MYO3A: variants seen among roughly 807,000 people sequenced by gnomAD.
The protein encoded by MYO3A is myosin-IIIa.
Under a neutral mutation model 192.7 loss-of-function variants are expected in MYO3A, and 180 were observed. That is an observed-to-expected ratio of 0.93 (90% CI 0.83 to 1.06). The LOEUF (loss-of-function observed/expected upper bound fraction) is 1.06. Among genes scored for constraint, MYO3A ranks in the 50% least tolerant of loss-of-function variants. The pLI is 0.00. For synonymous variants in MYO3A, 628 were observed against 645.3 expected, an observed-to-expected ratio of 0.97 and a Z score of 0.41; for missense variants, 1,896 against 1,905.0, an observed-to-expected ratio of 1.00 and a Z score of 0.09.
chr10:26,075,251 AT>A (rs1325897006), intron 14 of MYO3A, among the ~76,000 whole-genome samples: 1 of 150,772 alleles, frequency 6.6e-6, no homozygotes, highest in Non-Finnish European at 1.5e-5. Flanking sequence ...AAATTTTTGG[AT>A]TTTTTCTTTT....
chr10:26,067,772 A>G (rs1834943645), intron 11 of MYO3A, among the ~76,000 whole-genome samples: 1 of 152,204 alleles, frequency 6.6e-6, no homozygotes, highest in South Asian at 2.1e-4. Flanking sequence ...TCAGATCATT[A>G]GAGAAATAAA....
chr10:26,147,369 T>TGAG lies in MYO3A; in HGVS notation c.2506-49_2506-47dup, dbSNP rs35241240. ...TATCTGTTGTTGATGATGATGATGGTGAGGAGGAGGAGGATGACAATGACA... is the reference window on the plus strand; with the variant it reads ...TATCTGTTGTTGATGATGATGATGGTGAGGAGGAGGAGGAGGATGACAATGACA... On this transcript the variant is annotated intron_variant, in intron 22 of 34. Coordinates refer to ENST00000642920, the MANE Select transcript of MYO3A (RefSeq NM_017433.5). The TGAG allele has an allele frequency of 3.4e-6, 5 of 1,483,510 alleles. No homozygotes were observed. In the South Asian group the frequency reaches 5.7e-5, roughly 17 times the overall value. The allele number at this position is 1,483,510 out of a possible 1,614,324, so 91.9% of individuals were successfully genotyped here. A position where few individuals can be genotyped will look rare whatever the true frequency, so the allele number is the denominator to read the frequency against.
At chr10:26,180,496 A>C (rs1202513044) in intron 31 of MYO3A, among the ~76,000 whole-genome samples, 1 of 152,170 alleles carries the variant, frequency 6.6e-6, no homozygotes, top group African/African-American at 2.4e-5. Context: ...TTATTGGGAA[A>C]TTTCCAGTTA....
At chr10:26,108,143 G>T (rs10828951) in intron 17 of MYO3A, among the ~76,000 whole-genome samples, 1 of 152,044 alleles carries the variant, frequency 6.6e-6, no homozygotes. Flanking sequence ...GACTTTGCTC[G>T]TAACAGTTTA....
At chr10:26,029,240 G>A (rs998572544) in intron 10 of MYO3A, among the ~76,000 whole-genome samples, 8 of 152,138 alleles carry the variant, frequency 5.3e-5, no homozygotes, top group African/African-American at 1.9e-4. Context: ...GACACAAGAT[G>A]TAGTCTTGTT....
chr10:26,051,178 C>G (rs902797637), intron 10 of MYO3A, among the ~76,000 whole-genome samples: 42 of 152,106 alleles, frequency 2.8e-4, no homozygotes, highest in Non-Finnish European at 2.9e-5. Context: ...GTGGAGCATT[C>G]ATGAAAAACT....
chr10:26,202,494 G>A (rs1843721308), intron 33 of MYO3A, among the ~76,000 whole-genome samples: 1 of 152,244 alleles, frequency 6.6e-6, no homozygotes, highest in Non-Finnish European at 1.5e-5. Context: ...GAACAGAGTA[G>A]AGGGAGGACA....
intron 23 of MYO3A, among the ~76,000 whole-genome samples, chr10:26,148,913 G>A (rs1840627890): frequency 6.6e-6 from 1 of 152,048 alleles, no homozygotes; most frequent in African/African-American, 2.4e-5. Flanking sequence ...GATTGATCAT[G>A]TTGTCTGTGA....
At chr10:26,012,511 T>C (rs1169504312) in intron 6 of MYO3A, among the ~76,000 whole-genome samples, 1 of 151,942 alleles carries the variant, frequency 6.6e-6, no homozygotes, top group Non-Finnish European at 1.5e-5. Context: ...AAAATAAAAA[T>C]ACTCAGGAAT....
At chr10:26,122,824 T>C (rs1838958325) in intron 18 of MYO3A, among the ~76,000 whole-genome samples, 1 of 152,200 alleles carries the variant, frequency 6.6e-6, no homozygotes, top group African/African-American at 2.4e-5. Flanking sequence ...TTATAAAGTA[T>C]TGTGCTTAGC....
intron 14 of MYO3A, among the ~76,000 whole-genome samples, chr10:26,081,133 T>TCCCCCCCCCTTCCCCCCCCCCCCCCCCC (rs1835907338): frequency 1.2e-5 from 1 of 84,940 alleles, no homozygotes; most frequent in African/African-American, 4.2e-5. Flanking sequence ...TATATGCCCT[T>TCCCCCCCCCTTCCCCCCCCCCCCCCCCC]CCCCCCCCCC....
chr10:26,207,468 TAAC>T (rs1397507070), intron 34 of MYO3A, among the ~76,000 whole-genome samples: 1 of 152,374 alleles, frequency 6.6e-6, no homozygotes, highest in Non-Finnish European at 1.5e-5. Flanking sequence ...GTAAGTGAGA[TAAC>T]AATCTAATTT....
At chr10:26,086,358 G>A (rs1388568803) in intron 14 of MYO3A, among the ~76,000 whole-genome samples, 3 of 152,108 alleles carry the variant, frequency 2.0e-5, no homozygotes, top group Non-Finnish European at 2.9e-5. Context: ...CCCCTCCCCT[G>A]ACACGTGGGG....
chr10:25,989,753 A>G (rs558483555), intron 4 of MYO3A, among the ~76,000 whole-genome samples: 27 of 152,300 alleles, frequency 1.8e-4, no homozygotes, highest in Non-Finnish European at 3.7e-4. Flanking sequence ...TTGCATGAGA[A>G]AATTCATTCA....
At chr10:26,108,105 A>T (rs1351572354) in intron 17 of MYO3A, among the ~76,000 whole-genome samples, 1 of 152,162 alleles carries the variant, frequency 6.6e-6, no homozygotes, top group African/African-American at 2.4e-5. Flanking sequence ...TTTAATAGGG[A>T]CGCCTAAGGC....
At chr10:26,167,139 C>G (rs917235185) in intron 27 of MYO3A, among the ~76,000 whole-genome samples, 1 of 152,142 alleles carries the variant, frequency 6.6e-6, no homozygotes, top group Non-Finnish European at 1.5e-5. Flanking sequence ...ATTGACCACT[C>G]AAGAATACCT....
rs146852484 is a variant in MYO3A, at chr10:26,166,102, C to T, written c.3035C>T (p.Pro1012Leu). Residue 1012 changes from proline (P) to leucine (L), a missense_variant, in exon 27 of 35, where the codon CCC becomes CTC. Coordinates refer to ENST00000642920, the MANE Select transcript of MYO3A (RefSeq NM_017433.5). The stretch of plus-strand genomic sequence containing the variant: ...CTCTGCTACAAGTCGAGCGAGGAGC[C>T]CCGCATGAGCCCTGACACCTGTGCC... ...YLLCYKSSEE[P>L]RMSPDTCATI... 1.3e-5 allele frequency: 21 copies of T among 1,613,960 alleles called. No individual in the cohort carries two copies. The highest frequency in any genetic ancestry group is 1.4e-5 in the Non-Finnish European group (17 of 1,180,026).
chr10:26,109,115 A>G (rs1838005432), intron 17 of MYO3A, among the ~76,000 whole-genome samples: 1 of 152,180 alleles, frequency 6.6e-6, no homozygotes, highest in African/African-American at 2.4e-5. Context: ...ACTTCTTGAG[A>G]GATTTTGTTT....
chr10:26,074,790 T>A (rs1057223559), intron 14 of MYO3A, among the ~76,000 whole-genome samples: 1 of 151,894 alleles, frequency 6.6e-6, no homozygotes, highest in Admixed American at 6.6e-5. Flanking sequence ...GAGCATTTGA[T>A]GTGATATCCA....
Sources: gnomAD v4.1 joint callset for allele counts (sites outside exome capture counted in the v4.1 genomes callset) on GRCh38, gnomAD v4.1.1 for gene constraint, MANE v1.5 for transcripts, NCBI Gene and HGNC (gene_info 2026-07-23, HGNC 2026-07-21) for gene names.